The following SLC39A11 variants were observed in gnomAD, a reference collection of about 807,000 sequenced individuals.
The protein encoded by SLC39A11 is zinc transporter ZIP11.
SLC39A11 carries 33 observed loss-of-function variants against 36.1 expected under a neutral mutation model. The ratio of observed to expected loss-of-function variants is 0.91; its 90% CI spans 0.69 to 1.22. The LOEUF is 1.22. Among genes scored for constraint, SLC39A11 ranks in the 50% most tolerant of loss-of-function variants. SLC39A11 has a pLI of 0.00. For synonymous variants in SLC39A11, 166 were observed against 170.3 expected (o/e 0.97, Z 0.20); for missense variants, 432 against 430.3 (o/e 1.00, Z -0.03).
chr17:72,793,587 T>C (rs867674296), intron 6 of SLC39A11, among the ~76,000 whole-genome samples: 18 of 152,138 alleles, frequency 1.2e-4, no homozygotes, highest in African/African-American at 4.1e-4. Flanking sequence ...GAAATGCTTC[T>C]TTTTTTAATT....
chr17:72,922,972 A>AAAAAC (rs2083770323), intron 5 of SLC39A11, among the ~76,000 whole-genome samples: 3 of 147,678 alleles, frequency 2.0e-5, no homozygotes, highest in African/African-American at 7.5e-5. Flanking sequence ...AAAAAAAAAA[A>AAAAAC]AAAAAAAAAA....
At chr17:72,819,972 C>T (rs2077709685) in intron 6 of SLC39A11, among the ~76,000 whole-genome samples, 1 of 151,142 alleles carries the variant, frequency 6.6e-6, no homozygotes, top group Non-Finnish European at 1.5e-5. Flanking sequence ...TCCCTCTGGG[C>T]CTCTACACAT....
chr17:72,962,576 G>T (rs1285483422), intron 4 of SLC39A11, among the ~76,000 whole-genome samples: 5 of 151,766 alleles, frequency 3.3e-5, no homozygotes, highest in Non-Finnish European at 4.4e-5. Flanking sequence ...TTGCTCTGTT[G>T]CCCAGGCTGG....
At chr17:72,649,294 G>C in intron 7 of SLC39A11, 26 bp from the exon 8 acceptor site, 2 of 1,605,442 alleles carry the variant, frequency 1.2e-6, no homozygotes, top group Middle Eastern at 3.3e-4. Context: ...AGCACATGAA[G>C]GCTGCTGTCT....
intron 6 of SLC39A11, among the ~76,000 whole-genome samples, chr17:72,766,268 T>C (rs1009989697): frequency 6.6e-6 from 1 of 152,110 alleles, no homozygotes; most frequent in Admixed American, 6.5e-5. Flanking sequence ...TCATCCCTTG[T>C]TAAGTTGCGC....
chr17:72,783,393 G>A (rs1012801005), intron 6 of SLC39A11, among the ~76,000 whole-genome samples: 3 of 152,174 alleles, frequency 2.0e-5, no homozygotes, highest in Admixed American at 6.5e-5. Context: ...GATCACACAC[G>A]CCCCTTCCTA....
chr17:72,963,265 G>T (rs1199727123), intron 4 of SLC39A11, among the ~76,000 whole-genome samples: 1 of 148,518 alleles, frequency 6.7e-6, no homozygotes, highest in Non-Finnish European at 1.5e-5. Flanking sequence ...CCGCCTCCCG[G>T]GTTCACGCCA....
At chr17:72,790,241 G>T (rs58378827) in intron 6 of SLC39A11, among the ~76,000 whole-genome samples, 2 of 152,090 alleles carry the variant, frequency 1.3e-5, no homozygotes, top group Non-Finnish European at 2.9e-5. Context: ...CAGGCTGGGG[G>T]GTCATCCCAG....
chr17:72,760,991 C>A (rs1208384490), intron 6 of SLC39A11, among the ~76,000 whole-genome samples: 1 of 152,214 alleles, frequency 6.6e-6, no homozygotes, highest in African/African-American at 2.4e-5. Flanking sequence ...CAACAGCCAT[C>A]TCATCACCTG....
At chr17:72,705,508 G>T (rs1367390999) in intron 7 of SLC39A11, among the ~76,000 whole-genome samples, 2 of 152,180 alleles carry the variant, frequency 1.3e-5, no homozygotes, top group African/African-American at 4.8e-5. Context: ...CACTTGTAAC[G>T]ATGGGATCTG....
At position 72,815,588 on chromosome 17, in the gene SLC39A11, G is replaced by A. The variant is rs369913823; in HGVS notation, c.601+34046C>T. Among the ~76,000 whole-genome samples the A allele has an allele frequency of 1.8e-4, 28 of 152,054 alleles. No individual in the cohort carries two copies. The East Asian group carries it at 5.0e-3, about 27-fold the overall frequency. ...GCCGAGATCACACCACTGCACTCCA[G>A]CCTGGGCAACAAGAGCGAAACTCTG... On this transcript the variant is annotated intron_variant, in intron 6 of 9. Transcript: ENST00000255559.
rs554325099 is a variant in SLC39A11, at chr17:73,070,228, C to T, written c.147+14580G>A. Among the ~76,000 whole-genome samples, 9 of 152,292 alleles carry T rather than the reference C, an allele frequency of 5.9e-5. No individual in the cohort carries two copies. The South Asian group carries it at 1.9e-3, about 32-fold the overall frequency. On this transcript the variant is annotated intron_variant, in intron 3 of 9. Coordinates refer to ENST00000255559, the MANE Select transcript of SLC39A11 (RefSeq NM_139177.4). ...TCCCAGCTGCAGGCTGACCAGTATCCCATGACCGACTGGAAAATGAACCTG... is the reference window on the plus strand; with the variant it reads ...TCCCAGCTGCAGGCTGACCAGTATCTCATGACCGACTGGAAAATGAACCTG...
intron 6 of SLC39A11, among the ~76,000 whole-genome samples, chr17:72,822,246 CTA>C (rs199866619): frequency 3.0e-4 from 44 of 145,250 alleles, no homozygotes; most frequent in African/African-American, 6.3e-4. Context: ...TACACACATA[CTA>C]TATATATATA....
At chr17:72,795,229 C>T (rs2076858523) in intron 6 of SLC39A11, among the ~76,000 whole-genome samples, 1 of 152,044 alleles carries the variant, frequency 6.6e-6, no homozygotes, top group South Asian at 2.1e-4. Context: ...CGGGGTCTGT[C>T]ATGAGGCTTC....
intron 5 of SLC39A11, among the ~76,000 whole-genome samples, chr17:72,930,945 C>T (rs1278154889): frequency 6.6e-6 from 1 of 152,166 alleles, no homozygotes. Context: ...GAAGACAGGG[C>T]CCCAGAAGAG....
intron 7 of SLC39A11, among the ~76,000 whole-genome samples, chr17:72,686,816 A>C (rs2071773601): frequency 6.6e-6 from 1 of 152,194 alleles, no homozygotes; most frequent in African/African-American, 2.4e-5. Flanking sequence ...TATCTTCTAA[A>C]CAGGGGCGTA....
chr17:73,046,471 C>G (rs978070300), intron 3 of SLC39A11, among the ~76,000 whole-genome samples: 14 of 152,150 alleles, frequency 9.2e-5, no homozygotes, highest in Admixed American at 3.9e-4. Flanking sequence ...CCTCCTAGGA[C>G]TGCCCGATAT....
chr17:72,729,451 A>T (rs1232374808), intron 7 of SLC39A11, among the ~76,000 whole-genome samples: 2,699 of 6,386 alleles, frequency 0.42, 509 homozygotes, highest in African/African-American at 0.5. Flanking sequence ...ATATATATAT[A>T]TATATATTTT....
At chr17:72,747,340 G>A (rs151092897) in intron 6 of SLC39A11, among the ~76,000 whole-genome samples, 6,395 of 151,804 alleles carry the variant, frequency 0.042, 184 homozygotes, top group African/African-American at 0.086. Flanking sequence ...TAGTAGAGGC[G>A]GGGTTTTTGC....
Sources: gnomAD v4.1 joint callset for allele counts (sites outside exome capture counted in the v4.1 genomes callset) on GRCh38, gnomAD v4.1.1 for gene constraint, MANE v1.5 for transcripts, NCBI Gene and HGNC (gene_info 2026-07-23, HGNC 2026-07-21) for gene names.